The following RTN4IP1 variants were observed in gnomAD, a reference collection of about 807,000 sequenced individuals.
The protein encoded by RTN4IP1 is reticulon 4 interacting protein 1.
RTN4IP1 carries 32 observed loss-of-function variants against 46.6 expected under a neutral mutation model. The ratio of observed to expected loss-of-function variants is 0.69; its 90% CI spans 0.52 to 0.92. RTN4IP1 has a LOEUF of 0.92. Among genes scored for constraint, RTN4IP1 ranks in the 40% least tolerant of loss-of-function variants. The pLI is 0.00. For missense variants in RTN4IP1, 424 were observed against 485.8 expected (o/e 0.87, Z 1.20); for synonymous variants, 167 against 161.8 (o/e 1.03, Z -0.24).
chr6:106,572,774 T>A (rs1019214781), intron 8 of RTN4IP1, among the ~76,000 whole-genome samples: 2 of 147,334 alleles, frequency 1.4e-5, no homozygotes, highest in Non-Finnish European at 3.0e-5. Flanking sequence ...GGAAATAGTT[T>A]TTTTTTTGTT....
chr6:106,578,448 G>T (rs7741101), intron 8 of RTN4IP1, among the ~76,000 whole-genome samples: 118,888 of 152,114 alleles, frequency 0.78, 47,850 homozygotes, highest in Non-Finnish European at 0.89. Context: ...GACCTGAATA[G>T]AATTTTTGCT....
chr6:106,605,079 G>A (rs1236599095), intron 4 of RTN4IP1, among the ~76,000 whole-genome samples: 1 of 152,222 alleles, frequency 6.6e-6, no homozygotes, highest in East Asian at 1.9e-4. Flanking sequence ...GGAATGCCAT[G>A]TAGCTGTATG....
At chr6:106,598,223 G>A (rs1775850869) in intron 5 of RTN4IP1, among the ~76,000 whole-genome samples, 1 of 152,138 alleles carries the variant, frequency 6.6e-6, no homozygotes, top group Non-Finnish European at 1.5e-5. Flanking sequence ...TAATGGGATG[G>A]CTGGGTCAAA....
intron 7 of RTN4IP1, 95 bp downstream of exon 7, chr6:106,587,584 G>A: frequency 8.7e-7 from 1 of 1,145,586 alleles, no homozygotes; most frequent in Non-Finnish European, 1.3e-6. Context: ...ACCGTGCTAT[G>A]CGGCCTCCAA....
chr6:106,628,608 G>T, intron 1 of RTN4IP1, 140 bp downstream of exon 1: 1 of 746,576 alleles, frequency 1.3e-6, no homozygotes, highest in Non-Finnish European at 2.1e-6. Flanking sequence ...CAAAAATTTT[G>T]GAAATATTTG....
In RTN4IP1 at chr6:106,571,816, A is replaced by G. The variant is rs1775070682; in HGVS notation, c.*180T>C. The G allele has an allele frequency of 5.4e-6, 3 of 554,796 alleles. No homozygotes were observed. In the East Asian group the frequency reaches 8.9e-5, roughly 16 times the overall value. 34.4% of individuals were successfully genotyped at this position (554,796 alleles called of 1,614,324 possible). A position where few individuals can be genotyped will look rare whatever the true frequency, so the allele number is the denominator to read the frequency against. ...ATTTCTACTGACTACAGACAAATCC[A>G]AGTGCTGATATTTTTATATCAATTA... is the stretch of plus-strand genomic sequence containing the variant. On this transcript the variant is annotated 3_prime_UTR_variant, in exon 9 of 9. Coordinates refer to ENST00000369063, the MANE Select transcript of RTN4IP1 (RefSeq NM_032730.5).
intron 5 of RTN4IP1, among the ~76,000 whole-genome samples, chr6:106,599,656 T>C (rs1439111930): frequency 2.0e-5 from 3 of 152,104 alleles, no homozygotes; most frequent in Non-Finnish European, 2.9e-5. Flanking sequence ...AATATTCCAA[T>C]GTAAGAATAT....
chr6:106,615,923 C>CT (rs1395348909), intron 4 of RTN4IP1, among the ~76,000 whole-genome samples: 2 of 150,966 alleles, frequency 1.3e-5, no homozygotes, highest in African/African-American at 2.4e-5. Flanking sequence ...TTTTCTTTTT[C>CT]TTTTTTTTTG....
intron 6 of RTN4IP1, among the ~76,000 whole-genome samples, chr6:106,589,169 G>A (rs1201026356): frequency 1.5e-4 from 6 of 39,648 alleles, no homozygotes; most frequent in African/African-American, 5.0e-4. Context: ...AGGAGGAGGC[G>A]GTGGAGGAGG....
intron 1 of RTN4IP1, among the ~76,000 whole-genome samples, chr6:106,625,185 T>C (rs1004945829): frequency 4.0e-5 from 6 of 151,568 alleles, no homozygotes; most frequent in African/African-American, 4.9e-5. Flanking sequence ...AGGCTTTCCA[T>C]GATAGGCACC....
chr6:106,610,443 G>C (rs1452129485), intron 4 of RTN4IP1, among the ~76,000 whole-genome samples: 1 of 152,132 alleles, frequency 6.6e-6, no homozygotes, highest in East Asian at 1.9e-4. Context: ...AATTATTCTT[G>C]TTGTATTCTT....
intron 4 of RTN4IP1, chr6:106,607,626 C>T (rs1054819681): frequency 3.3e-5 from 5 of 152,132 alleles, no homozygotes; most frequent in South Asian, 2.1e-4. Flanking sequence ...ATATGCTGTA[C>T]ATCACTAATA....
intron 8 of RTN4IP1, among the ~76,000 whole-genome samples, chr6:106,574,491 A>G (rs1474587268): frequency 6.6e-6 from 1 of 152,010 alleles, no homozygotes; most frequent in African/African-American, 2.4e-5. Flanking sequence ...ATGAAACCTG[A>G]ACCTATCACT....
At chr6:106,583,469 T>C in intron 7 of RTN4IP1, 49 bp from the exon 8 acceptor site, 1 of 1,457,662 alleles carries the variant, frequency 6.9e-7, no homozygotes, top group Non-Finnish European at 9.5e-7. Context: ...ACATAAAATC[T>C]GACTAAATGC....
chr6:106,615,727 C>T lies in RTN4IP1; in HGVS notation c.620+3475G>A, dbSNP rs754010216. On this transcript the variant is annotated intron_variant, in intron 4 of 8. Coordinates refer to ENST00000369063, the MANE Select transcript of RTN4IP1 (RefSeq NM_032730.5). ...GCAGAGCATGAAATATTCAAGTGCA[C>T]CAATGACACTACCAATAAATAAAAC... Among the ~76,000 whole-genome samples the T allele has an allele frequency of 3.3e-5, 5 of 152,114 alleles. No homozygotes were observed. The South Asian group carries it at 1.0e-3, about 32-fold the overall frequency.
chr6:106,615,976 T>C (rs547170262), intron 4 of RTN4IP1, among the ~76,000 whole-genome samples: 2 of 152,064 alleles, frequency 1.3e-5, no homozygotes, highest in Admixed American at 6.6e-5. Context: ...TGGAGTACCG[T>C]TGCGCAATCT....
intron 8 of RTN4IP1, 137 bp downstream of exon 8, chr6:106,583,191 G>A (rs1775409570): frequency 8.0e-6 from 5 of 622,298 alleles, no homozygotes; most frequent in African/African-American, 3.7e-5. Context: ...ATGTAAACTT[G>A]GCCATGTAAG....
chr6:106,582,544 C>T (rs1225418289), intron 8 of RTN4IP1, among the ~76,000 whole-genome samples: 1 of 152,166 alleles, frequency 6.6e-6, no homozygotes, highest in African/African-American at 2.4e-5. Flanking sequence ...ATGAGAATCA[C>T]CCTATCTATG....
At position 106,593,418 on chromosome 6, in the gene RTN4IP1, G is replaced by A. The variant is rs138606538; in HGVS notation, c.670-1118C>T. On this transcript the variant is annotated intron_variant, in intron 5 of 8. Transcript: ENST00000369063. ...TGTTAATTTCATAGACTTAAAAGGGGGCTATTTTCAGCTAATTTGAGAATA... is the reference window on the plus strand; with the variant it reads ...TGTTAATTTCATAGACTTAAAAGGGAGCTATTTTCAGCTAATTTGAGAATA... Among the ~76,000 whole-genome samples the A allele has an allele frequency of 3.4e-3, 515 of 152,094 alleles. 5 individuals carry two copies. Among genetic ancestry groups the A allele is most frequent in the African/African-American group, 0.012 (483 of 41,484 alleles).
Sources: gnomAD v4.1 joint callset for allele counts (sites outside exome capture counted in the v4.1 genomes callset) on GRCh38, gnomAD v4.1.1 for gene constraint, MANE v1.5 for transcripts, NCBI Gene and HGNC (gene_info 2026-07-23, HGNC 2026-07-21) for gene names.